Variants in PCDHGA5 observed in about 807,000 individuals in gnomAD.
PCDHGA5 encodes protocadherin gamma subfamily A, 5, also known as protocadherin gamma-A5.
A neutral mutation model predicts 56.7 loss-of-function variants in PCDHGA5; 36 were observed. The observed-to-expected ratio is 0.64, with a 90% CI of 0.49 to 0.84. PCDHGA5 has a LOEUF of 0.84. Among genes scored for constraint, PCDHGA5 ranks in the 40% least tolerant of loss-of-function variants. The pLI is 0.00. For synonymous variants in PCDHGA5, 563 were observed against 520.2 expected (o/e 1.08, Z -1.12); for missense variants, 1,305 against 1,201.5 (o/e 1.09, Z -1.27).
chr5:141,503,440 C>A (rs1185892958), intron 2 of PCDHGA5, among the ~76,000 whole-genome samples: 2 of 151,694 alleles, frequency 1.3e-5, no homozygotes, highest in African/African-American at 4.8e-5. Context: ...ACTAAAAATA[C>A]AAAAATTCGC....
At chr5:141,400,303 G>T (rs2094000375) in intron 1 of PCDHGA5, 1 of 1,613,908 alleles carries the variant, frequency 6.2e-7, no homozygotes, top group Non-Finnish European at 8.5e-7. Context: ...CTTCCAACCT[G>T]GTCTCTGTGT....
At chr5:141,448,862 G>A (rs1406203589) in intron 1 of PCDHGA5, among the ~76,000 whole-genome samples, 2 of 151,996 alleles carry the variant, frequency 1.3e-5, no homozygotes, top group African/African-American at 2.4e-5. Context: ...GGAGAATGGC[G>A]TGAACCTGGG....
chr5:141,475,653 G>T (rs982063429), intron 1 of PCDHGA5, among the ~76,000 whole-genome samples: 2 of 152,238 alleles, frequency 1.3e-5, no homozygotes, highest in African/African-American at 2.4e-5. Context: ...CAAAGAAAGT[G>T]ATTCAAATGT....
rs776721321 is a variant in PCDHGA5, at chr5:141,431,084, C to A, written c.2422-63723C>A. ...CAAGTGTCAATTAAATCTAGACATT[C>A]TGATGGAGGATAAAGTGAAAATATA... is the stretch of plus-strand genomic sequence containing the variant. On this transcript the variant is annotated intron_variant, in intron 1 of 3. Coordinates refer to ENST00000518069, the MANE Select transcript of PCDHGA5 (RefSeq NM_018918.3). This position sits in a 1 kb window ranked among gnomAD's most constrained non-coding sequence, Gnocchi z 4.8. The A allele has an allele frequency of 1.2e-6, 2 of 1,614,060 alleles. No homozygotes were observed. Among genetic ancestry groups the A allele is most frequent in the Non-Finnish European group, 1.7e-6 (2 of 1,180,002 alleles).
At chr5:141,420,811 CT>C (rs2096526727) in intron 1 of PCDHGA5, among the ~76,000 whole-genome samples, 1 of 152,214 alleles carries the variant, frequency 6.6e-6, no homozygotes, top group Admixed American at 6.5e-5. Flanking sequence ...TAAGCAAGCC[CT>C]TTTAATAATT....
At chr5:141,453,517 C>T (rs1001603927) in intron 1 of PCDHGA5, among the ~76,000 whole-genome samples, 1 of 152,062 alleles carries the variant, frequency 6.6e-6, no homozygotes, top group African/African-American at 2.4e-5. Context: ...TCATTCCTCC[C>T]CTATACCTTC....
intron 1 of PCDHGA5, chr5:141,393,987 T>C (rs1361027983): frequency 1.2e-6 from 2 of 1,613,490 alleles, no homozygotes; most frequent in Admixed American, 3.3e-5. Flanking sequence ...TAATTTACCT[T>C]TTAAATTAGA....
At position 141,398,098 on chromosome 5, in the gene PCDHGA5, C is replaced by T. The variant is rs770737294; in HGVS notation, c.2421+31347C>T. 2.5e-6 allele frequency: 4 copies of T among 1,596,954 alleles called. No homozygotes were observed. In the South Asian group the frequency reaches 4.5e-5, roughly 18 times the overall value. ...TTATTTGTAACCTGGCGTCTCCAGGCTGGTGAGCAAGCTGAGGAGAGCAAG... is the reference window on the plus strand; with the variant it reads ...TTATTTGTAACCTGGCGTCTCCAGGTTGGTGAGCAAGCTGAGGAGAGCAAG... On this transcript the variant is annotated intron_variant, in intron 1 of 3. Transcript: ENST00000518069.
chr5:141,373,523 C>CA (rs1248195840), intron 1 of PCDHGA5, among the ~76,000 whole-genome samples: 5 of 151,934 alleles, frequency 3.3e-5, no homozygotes, highest in African/African-American at 7.3e-5. Flanking sequence ...ACTTTGTCTC[C>CA]AAAAAAGTGT....
At chr5:141,462,206 T>A (rs574863016) in intron 1 of PCDHGA5, among the ~76,000 whole-genome samples, 7 of 152,066 alleles carry the variant, frequency 4.6e-5, no homozygotes, top group African/African-American at 1.7e-4. Flanking sequence ...GTGATCCGCC[T>A]GCCTCGGCCT....
At chr5:141,438,362 T>C (rs1471364176) in intron 1 of PCDHGA5, among the ~76,000 whole-genome samples, 1 of 151,850 alleles carries the variant, frequency 6.6e-6, no homozygotes, top group East Asian at 1.9e-4. Flanking sequence ...TGTATTGTCA[T>C]TGAGGGCAGA....
At chr5:141,394,883 ACTCTAT>A in intron 1 of PCDHGA5, 1 of 1,611,724 alleles carries the variant, frequency 6.2e-7, no homozygotes, top group Non-Finnish European at 8.5e-7. Context: ...CGAGCCTTAC[ACTCTAT>A]CTCGTGGTGG....
chr5:141,453,609 G>A (rs1208329212), intron 1 of PCDHGA5, among the ~76,000 whole-genome samples: 3 of 151,900 alleles, frequency 2.0e-5, no homozygotes, highest in South Asian at 4.2e-4. Context: ...TTTGCAAAAC[G>A]CAAAAACAAA....
intron 1 of PCDHGA5, among the ~76,000 whole-genome samples, chr5:141,429,387 T>TAA (rs11410533): frequency 2.6e-5 from 4 of 151,334 alleles, no homozygotes; most frequent in African/African-American, 4.9e-5. Flanking sequence ...GTTTTTTTTT[T>TAA]AAAAAAAATT....
intron 1 of PCDHGA5, chr5:141,430,604 A>C (rs1288378907): frequency 7.8e-6 from 5 of 641,158 alleles, no homozygotes; most frequent in Non-Finnish European, 1.2e-5. Context: ...CGCCTGAAGC[A>C]CAAAGCAGAT....
chr5:141,381,826 CTTTTT>C lies in PCDHGA5; in HGVS notation c.2421+15093_2421+15097del, dbSNP rs770630741. Among the ~76,000 whole-genome samples, 483 of 74,304 alleles carry C rather than the reference CTTTTT, an allele frequency of 6.5e-3. 2 individuals are homozygous for C. The highest frequency in any genetic ancestry group is 0.026 in the African/African-American group (418 of 16,208). 48.7% of individuals were successfully genotyped at this position (74,304 alleles called of 152,430 possible). On this transcript the variant is annotated intron_variant, in intron 1 of 3. Coordinates refer to ENST00000518069, the MANE Select transcript of PCDHGA5 (RefSeq NM_018918.3). ...TTTCTTTCTTTCTTTCTTTCTTCTT[CTTTTT>C]TTTTTTTTTTTTTTTTTGGCAGAGT...
chr5:141,414,620 A>G, intron 1 of PCDHGA5: 4 of 1,613,938 alleles, frequency 2.5e-6, no homozygotes, highest in Non-Finnish European at 3.4e-6. Flanking sequence ...ACAGCGCTGG[A>G]CCCGGACAGC....
Position 141,415,740 on chromosome 5 carries a change from G to T in PCDHGA5, c.2421+48989G>T, listed in dbSNP as rs866795513. 9.4e-4 allele frequency: 585 copies of T among 624,884 alleles called. 4 individuals carry two copies. The highest frequency in any genetic ancestry group is 8.0e-3 in the African/African-American group (318 of 39,862). 38.7% of individuals were successfully genotyped at this position (624,884 alleles called of 1,614,324 possible). A position where few individuals can be genotyped will look rare whatever the true frequency, so the allele number is the denominator to read the frequency against. The stretch of plus-strand genomic sequence containing the variant: ...TGAGTAGAATTTGATGTTTATTAAG[G>T]TTTTTTTTTTTTTTTTTTTTTTTTT... On this transcript the variant is annotated intron_variant, in intron 1 of 3. Coordinates refer to ENST00000518069, the MANE Select transcript of PCDHGA5 (RefSeq NM_018918.3).
rs1228771998 is a variant in PCDHGA5 at position 141,477,832 on chromosome 5, A to G, written c.2422-16975A>G. The stretch of plus-strand genomic sequence containing the variant: ...CCCCCCAGGTCCTATATCCTCGGCC[A>G]GGTGGGAGCTCGGTGGAGATGCTGC... On this transcript the variant is annotated intron_variant, in intron 1 of 3. Transcript: ENST00000518069. This position sits in a 1 kb window ranked among gnomAD's most constrained non-coding sequence, Gnocchi z 4.9. 1.2e-6 allele frequency: 2 copies of G among 1,614,166 alleles called. No homozygotes were observed. Among genetic ancestry groups the G allele is most frequent in the South Asian group, 1.1e-5 (1 of 91,086 alleles).
Sources: allele counts gnomAD v4.1 joint callset (sites outside exome capture counted in the v4.1 genomes callset), GRCh38; gene constraint gnomAD v4.1.1; non-coding constraint Gnocchi (gnomAD v3.1); transcripts MANE v1.5; gene names NCBI Gene and HGNC (gene_info 2026-07-23, HGNC 2026-07-21).